Variants in PTPN4 observed in about 807,000 individuals in gnomAD.
The protein encoded by PTPN4 is tyrosine-protein phosphatase non-receptor type 4.
A neutral mutation model predicts 135.5 loss-of-function variants in PTPN4; 49 were observed. That is an observed-to-expected ratio of 0.36 (90% confidence interval 0.29 to 0.46). The LOEUF (loss-of-function observed/expected upper bound fraction) is 0.46, where lower values mean the gene tolerates loss of function less well. Ranked by LOEUF, PTPN4 falls within the 20% of genes least tolerant of loss-of-function variation. The probability of loss-of-function intolerance (pLI) is 1.00; values close to 1 mark genes in which losing one functional copy is unlikely to be tolerated. For synonymous variants in PTPN4, 333 were observed against 369.9 expected (o/e 0.90, Z 1.14); for missense variants, 860 against 1,101.0 (o/e 0.78, Z 3.10).
rs1256175558 is a variant in PTPN4, at chr2:119,978,003, T to G, written c.*933T>G. On this transcript the variant is annotated 3_prime_UTR_variant, in exon 27 of 27. Transcript: ENST00000263708. ...AGGGTAAGGAAATTCTGTTTCTTAC[T>G]CAGTACTCGTGATTTGCTATAAGAA... 1.3e-5 allele frequency: 2 copies of G among 152,216 alleles called. No individual in the cohort carries two copies. The highest frequency in any genetic ancestry group is 4.8e-5 in the African/African-American group (2 of 41,462). 9.4% of individuals were successfully genotyped at this position (152,216 alleles called of 1,614,324 possible).
At position 119,799,437 on chromosome 2, in the gene PTPN4, CAT is replaced by C. The variant is rs533302582; in HGVS notation, c.-17-10399_-17-10398del. 1.5e-3 allele frequency among the ~76,000 whole-genome samples: 232 copies of C among 152,232 alleles called. 2 individuals are homozygous for C. Among genetic ancestry groups the C allele is most frequent in the Non-Finnish European group, 3.0e-3 (207 of 68,000 alleles). ...TTGTTAAGAATCAATAGAAATAAGA[CAT>C]GTGAGTAATGGCAAATTTTTCGTTT... On this transcript the variant is annotated intron_variant, in intron 1 of 26. Coordinates refer to ENST00000263708, the MANE Select transcript of PTPN4 (RefSeq NM_002830.4).
chr2:119,830,958 T>C (rs959972784), intron 2 of PTPN4, among the ~76,000 whole-genome samples: 1 of 152,192 alleles, frequency 6.6e-6, no homozygotes, highest in African/African-American at 2.4e-5. Flanking sequence ...GGGTATTTCT[T>C]TGTAGCAATA....
At chr2:119,825,065 A>T (rs1677127324) in intron 2 of PTPN4, among the ~76,000 whole-genome samples, 1 of 152,208 alleles carries the variant, frequency 6.6e-6, no homozygotes, top group Non-Finnish European at 1.5e-5. Flanking sequence ...TCCTACGTAT[A>T]TACTTATTTC....
chr2:119,938,124 A>ATT lies in PTPN4; in HGVS notation c.1355+3186_1355+3187dup, dbSNP rs370292419. The stretch of plus-strand genomic sequence containing the variant: ...AGTACTTTTTTTTAAATGTGGGATA[A>ATT]TTTTTTTTTTTTTTTTTTTTTGAGA... On this transcript the variant is annotated intron_variant, in intron 15 of 26. Transcript: ENST00000263708. Among the ~76,000 whole-genome samples, 989 of 117,730 alleles carry ATT rather than the reference A, an allele frequency of 8.4e-3. 20 individuals carry two copies. Among genetic ancestry groups the ATT allele is most frequent in the East Asian group, 0.024 (99 of 4,104 alleles). 77.2% of individuals were successfully genotyped at this position (117,730 alleles called of 152,430 possible).
intron 26 of PTPN4, among the ~76,000 whole-genome samples, chr2:119,975,776 G>T (rs1336756071): frequency 6.6e-6 from 1 of 151,916 alleles, no homozygotes; most frequent in Admixed American, 6.6e-5. Context: ...TCATCAACTA[G>T]ATACACACAT....
intron 2 of PTPN4, among the ~76,000 whole-genome samples, chr2:119,846,130 T>A (rs1677495584): frequency 6.6e-6 from 1 of 152,228 alleles, no homozygotes; most frequent in Admixed American, 6.5e-5. Flanking sequence ...GTGGAGAATA[T>A]TGCATGTGCA....
chr2:119,760,675 G>A (rs1189526290), intron 1 of PTPN4, among the ~76,000 whole-genome samples: 1 of 147,618 alleles, frequency 6.8e-6, no homozygotes, highest in Non-Finnish European at 1.5e-5. Context: ...AATGTTCCCA[G>A]TACCTAAACT....
chr2:119,954,257 G>A (rs1402962310), intron 19 of PTPN4, among the ~76,000 whole-genome samples: 1 of 152,106 alleles, frequency 6.6e-6, no homozygotes, highest in Non-Finnish European at 1.5e-5. Flanking sequence ...CCCTACCTTG[G>A]CTCCATGTTT....
intron 9 of PTPN4, among the ~76,000 whole-genome samples, chr2:119,898,136 G>A (rs137945502): frequency 1.9e-4 from 29 of 152,270 alleles, no homozygotes; most frequent in Non-Finnish European, 3.5e-4. Context: ...TGAAAGACAC[G>A]GTTACACACA....
intron 2 of PTPN4, among the ~76,000 whole-genome samples, chr2:119,820,053 G>T (rs1238436087): frequency 6.6e-6 from 1 of 152,048 alleles, no homozygotes; most frequent in Non-Finnish European, 1.5e-5. Flanking sequence ...TAGAGACGAA[G>T]TCTCACTATG....
At chr2:119,944,129 G>T (rs1679101176) in intron 15 of PTPN4, among the ~76,000 whole-genome samples, 2 of 152,136 alleles carry the variant, frequency 1.3e-5, no homozygotes, top group South Asian at 4.1e-4. Context: ...GTGTGCTTCA[G>T]TGCCACATCA....
chr2:119,851,617 C>T (rs921148075), intron 2 of PTPN4, among the ~76,000 whole-genome samples: 5 of 152,202 alleles, frequency 3.3e-5, no homozygotes, highest in African/African-American at 4.8e-5. Flanking sequence ...CTTCCCTTTT[C>T]CAGTGGTGTG....
intron 3 of PTPN4, among the ~76,000 whole-genome samples, chr2:119,865,942 T>C (rs1677828801): frequency 6.6e-6 from 1 of 152,082 alleles, no homozygotes; most frequent in African/African-American, 2.4e-5. Context: ...TCTTTTCCTT[T>C]AGAATCTTCC....
At chr2:119,838,306 C>T (rs576812428) in intron 2 of PTPN4, among the ~76,000 whole-genome samples, 3 of 151,882 alleles carry the variant, frequency 2.0e-5, no homozygotes, top group East Asian at 1.9e-4. Context: ...GTCAAGTGGG[C>T]GGAACAAGCC....
At chr2:119,775,578 T>TA (rs1690820715) in intron 1 of PTPN4, among the ~76,000 whole-genome samples, 2 of 152,208 alleles carry the variant, frequency 1.3e-5, no homozygotes, top group African/African-American at 4.8e-5. Context: ...CATGATACTC[T>TA]ATGGAAAGGA....
intron 2 of PTPN4, among the ~76,000 whole-genome samples, chr2:119,823,300 T>C (rs1176203083): frequency 1.3e-5 from 2 of 151,590 alleles, no homozygotes; most frequent in Non-Finnish European, 2.9e-5. Context: ...AGTGGCTCGA[T>C]CTCCGCTCAC....
At chr2:119,826,896 G>A (rs1374755229) in intron 2 of PTPN4, among the ~76,000 whole-genome samples, 2 of 152,198 alleles carry the variant, frequency 1.3e-5, no homozygotes, top group African/African-American at 4.8e-5. Context: ...AGGCATGGTG[G>A]CATGCACCTG....
At chr2:119,814,993 T>C (rs886823958) in intron 2 of PTPN4, among the ~76,000 whole-genome samples, 2 of 152,036 alleles carry the variant, frequency 1.3e-5, no homozygotes, top group Admixed American at 6.6e-5. Flanking sequence ...ATTTTATCAG[T>C]CAAATTTAGA....
chr2:119,955,380 A>G (rs1434970157), intron 20 of PTPN4, 57 bp downstream of exon 20: 2 of 1,351,380 alleles, frequency 1.5e-6, no homozygotes, highest in Non-Finnish European at 2.0e-6. Context: ...AACTAGTTTC[A>G]TAGTTTCTTA....
Sources: allele counts gnomAD v4.1 joint callset (sites outside exome capture counted in the v4.1 genomes callset), GRCh38; gene constraint gnomAD v4.1.1; transcripts MANE v1.5; gene names NCBI Gene and HGNC (gene_info 2026-07-23, HGNC 2026-07-21).